Variants in FGGY observed in about 807,000 individuals in gnomAD.
FGGY encodes FGGY carbohydrate kinase domain-containing protein.
FGGY carries 72 observed loss-of-function variants against 71.3 expected under a neutral mutation model. The ratio of observed to expected loss-of-function variants is 1.01; its 90% CI spans 0.84 to 1.23. The LOEUF is 1.23. FGGY is among the 50% of genes most tolerant of loss of function. The pLI is 0.00. For synonymous variants in FGGY, 251 were observed against 250.3 expected, an observed-to-expected ratio of 1.00 and a Z score of -0.02; for missense variants, 668 against 682.3, an observed-to-expected ratio of 0.98 and a Z score of 0.23.
intron 6 of FGGY, chr1:59,474,005 GA>G (rs2093133386): frequency 6.6e-6 from 1 of 152,172 alleles, no homozygotes; most frequent in Non-Finnish European, 1.5e-5. Flanking sequence ...GAAGCCTGTA[GA>G]AATGTTCTTA....
At chr1:59,426,385 A>T (rs2153452845) in intron 5 of FGGY, among the ~76,000 whole-genome samples, 1 of 152,178 alleles carries the variant, frequency 6.6e-6, no homozygotes, top group South Asian at 2.1e-4. Flanking sequence ...GAGTGAAGGG[A>T]GGGGAAGGAG....
At chr1:59,600,950 A>G (rs912816110) in intron 8 of FGGY, among the ~76,000 whole-genome samples, 8 of 151,228 alleles carry the variant, frequency 5.3e-5, no homozygotes, top group Non-Finnish European at 1.2e-4. Flanking sequence ...GTGAATGCTG[A>G]GAGCCCCCAT....
chr1:59,389,098 C>A (rs2153372777), intron 5 of FGGY, among the ~76,000 whole-genome samples: 1 of 152,216 alleles, frequency 6.6e-6, no homozygotes, highest in South Asian at 2.1e-4. Flanking sequence ...CAGGTGTGTG[C>A]CACCACACCT....
At chr1:59,403,706 G>A (rs1474047869) in intron 5 of FGGY, among the ~76,000 whole-genome samples, 1 of 152,166 alleles carries the variant, frequency 6.6e-6, no homozygotes, top group Non-Finnish European at 1.5e-5. Context: ...GTTGTGTGTT[G>A]GGGAGCATTT....
chr1:59,387,008 T>G lies in FGGY; in HGVS notation c.554+8171T>G, dbSNP rs2060149292. Among the ~76,000 whole-genome samples the G allele has an allele frequency of 2.0e-5, 3 of 152,168 alleles. No individual in the cohort carries two copies. The South Asian group carries it at 6.2e-4, about 31-fold the overall frequency. ...TTTAAAGAGATGAATTCATGGCTTT[T>G]AGAAACTGAAGTCTCTTTAAAATAA... On this transcript the variant is annotated intron_variant, in intron 5 of 15. Coordinates refer to ENST00000303721, the MANE Select transcript of FGGY (RefSeq NM_018291.5).
intron 4 of FGGY, among the ~76,000 whole-genome samples, chr1:59,351,246 A>G (rs1242252308): frequency 1.3e-5 from 2 of 152,212 alleles, no homozygotes; most frequent in Admixed American, 6.5e-5. Flanking sequence ...ATATATATGT[A>G]CCATCTGGAC....
chr1:59,711,751 T>G (rs1314560336), intron 14 of FGGY, among the ~76,000 whole-genome samples: 2 of 152,112 alleles, frequency 1.3e-5, no homozygotes, highest in Non-Finnish European at 2.9e-5. Context: ...GCGAGACCCA[T>G]TCACTATCAT....
Position 59,650,337 on chromosome 1 carries a change from C to G in FGGY, c.1222-9882C>G, listed in dbSNP as rs572818575. The stretch of plus-strand genomic sequence containing the variant: ...TTCAGAAGGAATGGCACCAGCTCCT[C>G]TTTGTACCTCTGGTAGAATTTGGCT... On this transcript the variant is annotated intron_variant, in intron 11 of 15. Coordinates refer to ENST00000303721, the MANE Select transcript of FGGY (RefSeq NM_018291.5). Among the ~76,000 whole-genome samples, 531 of 133,964 alleles carry G rather than the reference C, an allele frequency of 4.0e-3. 35 individuals are homozygous for G. The highest frequency in any genetic ancestry group is 0.01 in the Middle Eastern group (3 of 290). 87.9% of individuals were successfully genotyped at this position (133,964 alleles called of 152,430 possible).
At chr1:59,609,195 A>G (rs1402123425) in intron 9 of FGGY, among the ~76,000 whole-genome samples, 1 of 152,262 alleles carries the variant, frequency 6.6e-6, no homozygotes, top group Non-Finnish European at 1.5e-5. Flanking sequence ...CAAATAGTCC[A>G]GAAGTTCAGC....
intron 5 of FGGY, among the ~76,000 whole-genome samples, chr1:59,379,789 A>G (rs2059159670): frequency 6.6e-6 from 1 of 152,034 alleles, no homozygotes; most frequent in African/African-American, 2.4e-5. Flanking sequence ...ATTCTTATTC[A>G]ATATGCTTTT....
chr1:59,357,290 A>AG (rs2054515195), intron 4 of FGGY, among the ~76,000 whole-genome samples: 1 of 151,818 alleles, frequency 6.6e-6, no homozygotes, highest in Non-Finnish European at 1.5e-5. Flanking sequence ...ACAAAAGAAA[A>AG]AAAGTTGTTG....
At chr1:59,429,647 C>A (rs1258229149) in intron 5 of FGGY, among the ~76,000 whole-genome samples, 2 of 152,194 alleles carry the variant, frequency 1.3e-5, no homozygotes, top group Non-Finnish European at 2.9e-5. Flanking sequence ...CAGTTTATTT[C>A]CAGCACACAT....
At chr1:59,643,034 CAAAAA>C (rs965526400) in intron 11 of FGGY, among the ~76,000 whole-genome samples, 2 of 53,134 alleles carry the variant, frequency 3.8e-5, no homozygotes, top group Non-Finnish European at 3.9e-5. Context: ...GACTCCATCT[CAAAAA>C]AAAAAAAAAA....
At chr1:59,562,085 G>A (rs892677806) in intron 8 of FGGY, among the ~76,000 whole-genome samples, 2 of 152,156 alleles carry the variant, frequency 1.3e-5, no homozygotes, top group Non-Finnish European at 2.9e-5. Context: ...TTGGAAAATG[G>A]TTTAGCAGTT....
intron 8 of FGGY, among the ~76,000 whole-genome samples, chr1:59,578,812 G>A (rs185377266): frequency 6.6e-5 from 10 of 152,024 alleles, no homozygotes; most frequent in East Asian, 1.9e-4. Context: ...TTGTCCTCTC[G>A]TCCCTCTCCT....
chr1:59,663,728 A>C (rs938014720), intron 12 of FGGY, among the ~76,000 whole-genome samples: 1 of 152,172 alleles, frequency 6.6e-6, no homozygotes, highest in Non-Finnish European at 1.5e-5. Context: ...TGAGGGGTTC[A>C]GTCTGTTTTG....
At chr1:59,335,459 A>T (rs1270981667) in intron 2 of FGGY, among the ~76,000 whole-genome samples, 1 of 152,172 alleles carries the variant, frequency 6.6e-6, no homozygotes, top group Non-Finnish European at 1.5e-5. Flanking sequence ...TTAAACTATG[A>T]TGGATATTTG....
intron 1 of FGGY, among the ~76,000 whole-genome samples, chr1:59,299,500 G>C (rs996512858): frequency 3.3e-5 from 5 of 152,232 alleles, no homozygotes; most frequent in Non-Finnish European, 7.3e-5. Context: ...GGTGAGAGAC[G>C]TGTTAGGGTA....
rs564842634 is a variant in FGGY at position 59,310,446 on chromosome 1, A to G, written c.-14-11090A>G. Among the ~76,000 whole-genome samples the G allele has an allele frequency of 9.8e-5, 15 of 152,370 alleles. No homozygotes were observed. The South Asian group carries it at 2.3e-3, about 23-fold the overall frequency. On this transcript the variant is annotated intron_variant, in intron 1 of 15. Transcript: ENST00000303721. The stretch of plus-strand genomic sequence containing the variant: ...GGAGGAGTCTATGTAAGAACAAATC[A>G]TTAAATTTGCATATCTTTTCCCCAT...
Sources: gnomAD v4.1 joint callset for allele counts (sites outside exome capture counted in the v4.1 genomes callset) on GRCh38, gnomAD v4.1.1 for gene constraint, MANE v1.5 for transcripts, NCBI Gene and HGNC (gene_info 2026-07-23, HGNC 2026-07-21) for gene names.